ERC2: variants seen among roughly 807,000 people sequenced by gnomAD.
The protein encoded by ERC2 is ELKS/RAB6-interacting/CAST family member 2, also known as ERC protein 2.
A neutral mutation model predicts 114.8 loss-of-function variants in ERC2; 42 were observed. That is an observed-to-expected ratio of 0.37 (90% CI 0.29 to 0.47). The LOEUF (loss-of-function observed/expected upper bound fraction) is 0.47. Ranked by LOEUF, ERC2 falls within the 20% of genes least tolerant of loss-of-function variation. The pLI is 0.99. For synonymous variants in ERC2, 454 were observed against 425.5 expected, an observed-to-expected ratio of 1.07 and a Z score of -0.82; for missense variants, 939 against 1,150.7, an observed-to-expected ratio of 0.82 and a Z score of 2.66.
At chr3:56,262,075 T>C (rs2052974417) in intron 3 of ERC2, among the ~76,000 whole-genome samples, 1 of 152,260 alleles carries the variant, frequency 6.6e-6, no homozygotes, top group African/African-American at 2.4e-5. Context: ...TAGTATTCCA[T>C]GGTGTATATG....
intron 17 of ERC2, among the ~76,000 whole-genome samples, chr3:55,651,987 A>G (rs2590721): frequency 0.99 from 150,140 of 152,294 alleles, 74,041 homozygotes; most frequent in Middle Eastern, 1. Context: ...CTGCTGTCCC[A>G]GAAAAGCTCT....
chr3:56,032,937 AAG>A lies in ERC2; in HGVS notation c.1642-13908_1642-13907del, dbSNP rs1560056556. Among the ~76,000 whole-genome samples, 731 of 98,876 alleles carry A rather than the reference AAG, an allele frequency of 7.4e-3. 9 individuals are homozygous for A. Among genetic ancestry groups the A allele is most frequent in the Admixed American group, 0.023 (197 of 8,440 alleles). 64.9% of individuals were successfully genotyped at this position (98,876 alleles called of 152,430 possible). On this transcript the variant is annotated intron_variant, in intron 7 of 17. Coordinates refer to ENST00000288221, the MANE Select transcript of ERC2 (RefSeq NM_015576.3). Reference sequence around the variant, plus strand: ...AAAGAAAGAAAGAAAGAAAGAAAGAAAGAAAGAAAGAAAGAAAGAAACAGAAA... The same window carrying A: ...AAAGAAAGAAAGAAAGAAAGAAAGAAAAAGAAAGAAAGAAAGAAACAGAAA...
chr3:55,866,975 T>C (rs2062348444), intron 14 of ERC2, among the ~76,000 whole-genome samples: 1 of 152,178 alleles, frequency 6.6e-6, no homozygotes, highest in Non-Finnish European at 1.5e-5. Context: ...AAAATGGTTA[T>C]ACAATGATAT....
At chr3:55,651,465 C>A (rs60409731) in intron 17 of ERC2, among the ~76,000 whole-genome samples, 1 of 152,146 alleles carries the variant, frequency 6.6e-6, no homozygotes, top group Non-Finnish European at 1.5e-5. Flanking sequence ...GCCATGTGAT[C>A]GAGCGGACAC....
chr3:55,720,969 T>C (rs2064513149), intron 15 of ERC2, among the ~76,000 whole-genome samples: 3 of 152,224 alleles, frequency 2.0e-5, no homozygotes, highest in Admixed American at 2.0e-4. Flanking sequence ...GGAAACAATG[T>C]ACCCATTTTA....
intron 3 of ERC2, among the ~76,000 whole-genome samples, chr3:56,255,794 G>C (rs534862293): frequency 1.3e-5 from 2 of 152,206 alleles, no homozygotes; most frequent in Non-Finnish European, 2.9e-5. Context: ...CTGCCATTTA[G>C]GCATTCTCTA....
At chr3:55,836,806 A>C (rs1330950210) in intron 14 of ERC2, among the ~76,000 whole-genome samples, 1 of 152,242 alleles carries the variant, frequency 6.6e-6, no homozygotes, top group African/African-American at 2.4e-5. Flanking sequence ...CTACGATGAG[A>C]GTGAACAGGC....
At chr3:56,383,951 T>C (rs931150928) in intron 2 of ERC2, among the ~76,000 whole-genome samples, 1 of 152,198 alleles carries the variant, frequency 6.6e-6, no homozygotes, top group African/African-American at 2.4e-5. Flanking sequence ...AATCAAGCAA[T>C]ATTTGCCTTC....
At chr3:55,690,813 C>T (rs188824010) in intron 16 of ERC2, among the ~76,000 whole-genome samples, 1 of 152,306 alleles carries the variant, frequency 6.6e-6, no homozygotes, top group East Asian at 1.9e-4. Flanking sequence ...TTAATCATGC[C>T]CTCATGTGCT....
At chr3:56,419,582 C>G (rs990894123) in intron 2 of ERC2, among the ~76,000 whole-genome samples, 3 of 152,218 alleles carry the variant, frequency 2.0e-5, no homozygotes, top group African/African-American at 7.2e-5. Context: ...CTGGCACATG[C>G]CCCCTATTTC....
intron 2 of ERC2, among the ~76,000 whole-genome samples, chr3:56,369,802 G>T (rs1230652721): frequency 6.6e-6 from 1 of 151,862 alleles, no homozygotes; most frequent in African/African-American, 2.4e-5. Context: ...TCAGCCTCCT[G>T]AGTATCTGGG....
chr3:56,260,989 T>C (rs1308019402), intron 3 of ERC2, among the ~76,000 whole-genome samples: 1 of 152,230 alleles, frequency 6.6e-6, no homozygotes, highest in Non-Finnish European at 1.5e-5. Flanking sequence ...GTTCCTTGGT[T>C]GCACTAGCCA....
At chr3:55,998,450 A>G (rs2071776625) in intron 10 of ERC2, among the ~76,000 whole-genome samples, 1 of 152,176 alleles carries the variant, frequency 6.6e-6, no homozygotes, top group African/African-American at 2.4e-5. Context: ...TATTGCAAAT[A>G]TTAGTTGAGT....
At chr3:56,375,580 A>G (rs958882899) in intron 2 of ERC2, among the ~76,000 whole-genome samples, 3 of 152,194 alleles carry the variant, frequency 2.0e-5, no homozygotes, top group Non-Finnish European at 2.9e-5. Context: ...CTGTTGATGG[A>G]AGGCAATCCA....
intron 6 of ERC2, among the ~76,000 whole-genome samples, chr3:56,108,397 G>T (rs940641329): frequency 2.0e-5 from 3 of 151,718 alleles, no homozygotes; most frequent in Admixed American, 6.6e-5. Context: ...TGACAACAAA[G>T]GGATAAAGAT....
intron 2 of ERC2, chr3:56,434,131 T>C: frequency 4.7e-6 from 2 of 427,588 alleles, no homozygotes; most frequent in East Asian, 8.4e-5. Flanking sequence ...TCTCCCCATC[T>C]GCAACCATGT....
chr3:55,601,498 C>G (rs1403401957), intron 17 of ERC2, among the ~76,000 whole-genome samples: 1 of 152,198 alleles, frequency 6.6e-6, no homozygotes, highest in Non-Finnish European at 1.5e-5. Flanking sequence ...CCTGTCATTT[C>G]ACATTCACAC....
intron 17 of ERC2, among the ~76,000 whole-genome samples, chr3:55,512,477 G>A (rs1004441511): frequency 6.6e-6 from 1 of 152,188 alleles, no homozygotes. Context: ...GCTGTGCATA[G>A]CTCTAATTCT....
chr3:56,271,538 C>T (rs559884862), intron 3 of ERC2, among the ~76,000 whole-genome samples: 15 of 152,204 alleles, frequency 9.9e-5, no homozygotes, highest in African/African-American at 3.6e-4. Flanking sequence ...AGTACAATCA[C>T]GGGCCCAAAC....
Sources: gnomAD v4.1 joint callset for allele counts (sites outside exome capture counted in the v4.1 genomes callset) on GRCh38, gnomAD v4.1.1 for gene constraint, MANE v1.5 for transcripts, NCBI Gene and HGNC (gene_info 2026-07-23, HGNC 2026-07-21) for gene names.